Variants in CCL14 observed in about 807,000 individuals in gnomAD.
CCL14 encodes the protein C-C motif chemokine ligand 14.
Under a neutral mutation model 8.2 loss-of-function variants are expected in CCL14, and 8 were observed. The ratio of observed to expected loss-of-function variants is 0.98; its 90% CI spans 0.57 to 1.76. The LOEUF (loss-of-function observed/expected upper bound fraction) is 1.76, where lower values mean the gene tolerates loss of function less well. CCL14 is among the 40% of genes most tolerant of loss of function. CCL14 has a pLI of 0.00. For synonymous variants in CCL14, 50 were observed against 43.2 expected (o/e 1.16, Z -0.62); for missense variants, 127 against 118.3 (o/e 1.07, Z -0.34).
At chr17:35,985,645 G>T in intron 1 of CCL14, 3 of 973,268 alleles carry the variant, frequency 3.1e-6, no homozygotes, top group South Asian at 1.5e-5. Flanking sequence ...GGCATAAGGG[G>T]CCCCTGTTTC....
chr17:35,984,502 T>A (rs1223716885), intron 1 of CCL14, 50 bp from the exon 2 acceptor site: 1 of 1,169,196 alleles, frequency 8.6e-7, no homozygotes, highest in East Asian at 2.3e-5. Context: ...TTAAAGGCCA[T>A]ACCATTGGCT....
At chr17:35,985,533 A>G (rs992264341) in intron 1 of CCL14, 2 of 580,098 alleles carry the variant, frequency 3.4e-6, no homozygotes, top group Admixed American at 3.1e-5. Flanking sequence ...TGTGCATCAC[A>G]ATGGCCTCAG....
At position 35,983,425 on chromosome 17, in the gene CCL14, C is replaced by A; in HGVS notation, c.*376G>T. The A allele has an allele frequency of 1.3e-5, 3 of 224,280 alleles. No individual in the cohort carries two copies. The highest frequency in any genetic ancestry group is 8.8e-6 in the Non-Finnish European group (1 of 113,844). The allele number at this position is 224,280 out of a possible 1,614,324, so 13.9% of individuals were successfully genotyped here. ...AGCAGAGTGCTTGGAGTATAGAAAG[C>A]ATTAAGAAAACGGGGTCTGCTACTG... is the stretch of plus-strand genomic sequence containing the variant. On this transcript the variant is annotated 3_prime_UTR_variant, in exon 3 of 3. Transcript: ENST00000618404.
At chr17:35,985,760 G>A (rs1415866266) in intron 1 of CCL14, 1 of 1,551,452 alleles carries the variant, frequency 6.4e-7, no homozygotes, top group Admixed American at 2.0e-5. Flanking sequence ...ACCAACTTTA[G>A]CTGTATTTTA....
At position 35,986,445 on chromosome 17, in the gene CCL14, A is replaced by G. The variant is rs185259562; in HGVS notation, c.79+126T>C. On this transcript the variant is annotated intron_variant, in intron 1 of 2. Coordinates refer to ENST00000618404, the MANE Select transcript of CCL14 (RefSeq NM_032963.4). ...TTTATATAATGTTGCTATACACACA[A>G]TTTCAAGAAGATACCAGCCCTCCTT... 1,120 of 703,092 alleles carry G rather than the reference A, an allele frequency of 1.6e-3. 2 individuals are homozygous for G. Among genetic ancestry groups the G allele is most frequent in the Non-Finnish European group, 2.4e-3 (948 of 393,844 alleles). 43.6% of individuals were successfully genotyped at this position (703,092 alleles called of 1,614,324 possible).
In CCL14 at chr17:35,983,685, C is replaced by A; in HGVS notation, c.*116G>T. On this transcript the variant is annotated 3_prime_UTR_variant, in exon 3 of 3. Transcript: ENST00000618404. ...AGCATGAGTGGTCTTTAATTCAAAG[C>A]AGGGAAGCTCCAAGAGGGTGACTGG... is the stretch of plus-strand genomic sequence containing the variant. The A allele has an allele frequency of 1.3e-6, 1 of 747,970 alleles. No individual in the cohort carries two copies. The highest frequency in any genetic ancestry group is 2.5e-5 in the East Asian group (1 of 40,564). The allele number at this position is 747,970 out of a possible 1,614,324, so 46.3% of individuals were successfully genotyped here.
chr17:35,984,125 C>T (rs1050985624), intron 2 of CCL14, among the ~76,000 whole-genome samples: 2 of 152,138 alleles, frequency 1.3e-5, no homozygotes, highest in Non-Finnish European at 2.9e-5. Flanking sequence ...CTTCTCCCTT[C>T]TCTGTCATCT....
At chr17:35,985,602 C>T (rs1405570004) in intron 1 of CCL14, 7 of 677,638 alleles carry the variant, frequency 1.0e-5, no homozygotes, top group Non-Finnish European at 1.5e-5. Context: ...TTTCCAGCTC[C>T]ATTCCAGGCA....
At chr17:35,985,901 C>T in intron 1 of CCL14, 1 of 900,708 alleles carries the variant, frequency 1.1e-6, no homozygotes, top group Non-Finnish European at 1.8e-6. Context: ...CTAGGATGGA[C>T]CCCACACTGT....
At chr17:35,985,647 C>T in intron 1 of CCL14, 3 of 1,011,022 alleles carry the variant, frequency 3.0e-6, no homozygotes, top group South Asian at 1.4e-5. Flanking sequence ...CATAAGGGGC[C>T]CCTGTTTCCT....
intron 1 of CCL14, 82 bp downstream of exon 1, chr17:35,986,489 G>T: frequency 9.3e-7 from 1 of 1,075,162 alleles, no homozygotes; most frequent in Non-Finnish European, 1.4e-6. Flanking sequence ...CCTGCTCCTG[G>T]TCTTCCCCTG....
chr17:35,986,699 A>T lies in CCL14; in HGVS notation c.-50T>A. On this transcript the variant is annotated 5_prime_UTR_variant, in exon 1 of 3. Coordinates refer to ENST00000618404, the MANE Select transcript of CCL14 (RefSeq NM_032963.4). ...AGAGCTGGCCTGGTGGGAGCTTCAG[A>T]GGCTCCTGCGGTGAGGAATTGTTGA... 7.3e-7 allele frequency: 1 copy of T among 1,372,890 alleles called. No homozygotes were observed. Among genetic ancestry groups the T allele is most frequent in the Non-Finnish European group, 1.0e-6 (1 of 960,930 alleles). 85.0% of individuals were successfully genotyped at this position (1,372,890 alleles called of 1,614,324 possible).
chr17:35,984,634 T>A (rs1056047257), intron 1 of CCL14, 182 bp from the exon 2 acceptor site: 14 of 598,402 alleles, frequency 2.3e-5, no homozygotes, highest in Non-Finnish European at 3.6e-5. Context: ...CCTGGGCTCT[T>A]CTTTTTCTCC....
At chr17:35,985,749 C>CA in intron 1 of CCL14, 1 of 1,551,436 alleles carries the variant, frequency 6.4e-7, no homozygotes, top group Non-Finnish European at 8.7e-7. Context: ...TGCACATACC[C>CA]ACCAACTTTA....
At chr17:35,986,366 A>G (rs2089769322) in intron 1 of CCL14, 1 of 586,100 alleles carries the variant, frequency 1.7e-6, no homozygotes, top group Non-Finnish European at 3.0e-6. Flanking sequence ...TCTCATCTCC[A>G]TCCTGCTCAC....
At position 35,983,814 on chromosome 17, in the gene CCL14, A is replaced by G; in HGVS notation, c.269T>C (p.Met90Thr). The change falls in exon 3 of 3, where the codon ATG becomes ACG. Residue 90 changes from methionine (M) to threonine (T), a missense_variant. Met to Thr is a moderately conservative substitution (Grantham distance 81). Coordinates refer to ENST00000618404, the MANE Select transcript of CCL14 (RefSeq NM_032963.4). ...DKWVQDYIKD[M>T]KEN ...CTTCTGGGTCACTCAGTTCTCCTTC[A>G]TGTCCTTGATATAGTCCTGGACCCA... 6.2e-7 allele frequency: 1 copy of G among 1,613,160 alleles called. No homozygotes were observed. The highest frequency in any genetic ancestry group is 1.1e-5 in the South Asian group (1 of 91,060).
In CCL14 at chr17:35,986,576, G is replaced by A. The variant is rs75238886; in HGVS notation, c.74C>T (p.Ser25Phe). ...TIALGTKTES[S>F]SRGPYHPSEC... Reference sequence around the variant, plus strand: ...AGACAAGGCATTGCACTCACGTGAGGAGGATTCAGTCTTGGTCCCTAGGGC... The same window carrying A: ...AGACAAGGCATTGCACTCACGTGAGAAGGATTCAGTCTTGGTCCCTAGGGC... Residue 25 changes from serine to phenylalanine, a missense_variant, in exon 1 of 3, where the codon TCC (serine) becomes TTC (phenylalanine). Physicochemically the swap from Ser to Phe is radical, Grantham distance 155 (BLOSUM62 -2). Transcript: ENST00000618404. 47,741 of 1,612,198 alleles carry A rather than the reference G, an allele frequency of 0.03. 839 individuals are homozygous for A. Among genetic ancestry groups the A allele is most frequent in the Non-Finnish European group, 0.032 (37,143 of 1,178,348 alleles).
chr17:35,984,378 A>T lies in CCL14; in HGVS notation c.154T>A (p.Tyr52Asn), dbSNP rs892667038. ...GAGCACTGGCTGTTGGTCTCATAGT[A>T]ATCCATAATCCGCTGACGCGGGATC... ...YKIPRQRIMD[Y>N]YETNSQCSKP... is the part of the protein sequence containing the mutation. Residue 52 changes from tyrosine (Y) to asparagine (N), a missense_variant, in exon 2 of 3, where the codon TAC becomes AAC. By Grantham distance (143) the Tyr-to-Asn change is moderately radical. Transcript: ENST00000618404. 4 of 1,613,764 alleles carry T rather than the reference A, an allele frequency of 2.5e-6. No individual in the cohort carries two copies. Among genetic ancestry groups the T allele is most frequent in the Non-Finnish European group, 3.4e-6 (4 of 1,179,942 alleles).
rs1438741006 is a variant in CCL14, at chr17:35,983,884, T to C, written c.199A>G (p.Ile67Val). The C allele has an allele frequency of 6.2e-7, 1 of 1,613,390 alleles. No individual in the cohort carries two copies. Among genetic ancestry groups the C allele is most frequent in the Non-Finnish European group, 8.5e-7 (1 of 1,179,368 alleles). ...CAGACGGAATGGCCCCTTTTGGTGA[T>C]GAAGCTGTGGAGCAAGAGGGAGAAG... is the stretch of plus-strand genomic sequence containing the variant. ...SQCSKPGIVF[I>V]TKRGHSVCTN... The change falls in exon 3 of 3, where the codon ATC becomes GTC. Residue 67 changes from isoleucine (I) to valine (V), a missense_variant. Ile to Val is a conservative substitution (Grantham distance 29, BLOSUM62 3). Transcript: ENST00000618404.
Sources: gnomAD v4.1 joint callset for allele counts (sites outside exome capture counted in the v4.1 genomes callset) on GRCh38, gnomAD v4.1.1 for gene constraint, MANE v1.5 for transcripts, NCBI Gene and HGNC (gene_info 2026-07-23, HGNC 2026-07-21) for gene names.